The following MAF variants were observed in gnomAD, a reference collection of about 807,000 sequenced individuals.
MAF encodes transcription factor Maf.
In MAF, 10 loss-of-function variants were observed where a neutral mutation model predicts 22.0. The observed-to-expected ratio is 0.45, with a 90% CI of 0.28 to 0.77. MAF has a LOEUF of 0.77. MAF is among the 30% of genes least tolerant of loss of function. MAF has a pLI of 0.12. For missense variants in MAF, 544 were observed against 548.4 expected (o/e 0.99, Z 0.08); for synonymous variants, 337 against 255.8 (o/e 1.32, Z -3.03).
chr16:79,421,841 A>T, the MAF span, among the ~76,000 whole-genome samples: 3 of 152,034 alleles, frequency 2.0e-5, no homozygotes, highest in South Asian at 4.2e-4. Flanking sequence ...TCAGTGGCAC[A>T]ATCTCAGCTC....
At chr16:79,309,462 G>T in the MAF span, among the ~76,000 whole-genome samples, 2,344 of 152,234 alleles carry the variant, frequency 0.015, 28 homozygotes, top group Non-Finnish European at 0.024. Flanking sequence ...GAGAACTTAC[G>T]TTTTCATATT....
chr16:79,549,751 A>G, the MAF span, among the ~76,000 whole-genome samples: 1 of 152,170 alleles, frequency 6.6e-6, no homozygotes, highest in East Asian at 1.9e-4. Flanking sequence ...TCCTCCTCCT[A>G]GCAGTCCTGA....
the MAF span, among the ~76,000 whole-genome samples, chr16:79,263,804 T>C: frequency 6.6e-6 from 1 of 152,174 alleles, no homozygotes; most frequent in Non-Finnish European, 1.5e-5. Context: ...CACCATGTAC[T>C]TTCCAAGAGT....
chr16:79,457,039 C>T, the MAF span, among the ~76,000 whole-genome samples: 2 of 151,970 alleles, frequency 1.3e-5, no homozygotes, highest in Non-Finnish European at 2.9e-5. Context: ...TGTAGGGACT[C>T]ATTGAAGATT....
Position 79,594,465 on chromosome 16 carries a change from T to G in MAF, c.1207A>C (p.Lys403Gln). 2 of 1,557,780 alleles carry G rather than the reference T, an allele frequency of 1.3e-6. No individual in the cohort carries two copies. The highest frequency in any genetic ancestry group is 1.7e-6 in the Non-Finnish European group (2 of 1,149,124). Residue 403 changes from lysine (K) to glutamine (Q), a missense_variant, in exon 2 of 2, where the codon AAA becomes CAA. Physicochemically the swap from Lys to Gln is moderately conservative, Grantham distance 53 (BLOSUM62 1). This residue lies in a region of MAF where 129 missense variants were observed against 113.6 expected (regional missense o/e 1.14). Transcript: ENST00000326043. ...QHRVLTSVFTK is the reference protein window; with the variant it reads ...QHRVLTSVFTQ ...GTACAGCTCTCACACAAATTTCATT[T>G]TGTGAACACACTGGTAAGTACACGA...
chr16:79,372,710 T>G, the MAF span, among the ~76,000 whole-genome samples: 2 of 152,170 alleles, frequency 1.3e-5, no homozygotes, highest in African/African-American at 4.8e-5. Context: ...TCAGGAGCTG[T>G]GATTCACTCT....
At chr16:79,473,748 T>C in the MAF span, among the ~76,000 whole-genome samples, 1 of 152,148 alleles carries the variant, frequency 6.6e-6, no homozygotes, top group Non-Finnish European at 1.5e-5. Flanking sequence ...CTTAACCGTA[T>C]CGCAAGCTCT....
the MAF span, among the ~76,000 whole-genome samples, chr16:79,437,414 G>T: frequency 6.6e-6 from 1 of 152,160 alleles, no homozygotes; most frequent in Non-Finnish European, 1.5e-5. Flanking sequence ...GATTGTACAG[G>T]TGTGGGACAC....
At chr16:79,491,210 G>A in the MAF span, among the ~76,000 whole-genome samples, 3 of 152,166 alleles carry the variant, frequency 2.0e-5, no homozygotes, top group South Asian at 2.1e-4. Context: ...AAACAGCAGT[G>A]AGGACCAGAC....
At chr16:79,325,558 G>GACACACACACAGATGCCCACAC in the MAF span, among the ~76,000 whole-genome samples, 6 of 149,974 alleles carry the variant, frequency 4.0e-5, no homozygotes, top group East Asian at 1.2e-3. Flanking sequence ...AAGGCACACA[G>GACACACACACAGATGCCCACAC]ACACACACAC....
At chr16:79,247,081 C>T in the MAF span, among the ~76,000 whole-genome samples, 1 of 152,108 alleles carries the variant, frequency 6.6e-6, no homozygotes, top group African/African-American at 2.4e-5. Context: ...GGGCAAGTGC[C>T]GGGCAAGGGC....
the MAF span, among the ~76,000 whole-genome samples, chr16:79,539,602 T>C: frequency 6.6e-6 from 1 of 152,198 alleles, no homozygotes; most frequent in Non-Finnish European, 1.5e-5. Flanking sequence ...TAATCAGAGA[T>C]TCAGACTAAG....
chr16:79,528,072 G>C, the MAF span, among the ~76,000 whole-genome samples: 1 of 152,200 alleles, frequency 6.6e-6, no homozygotes, highest in Non-Finnish European at 1.5e-5. Flanking sequence ...AACCTGGGAG[G>C]TGGAGGTTGC....
the MAF span, among the ~76,000 whole-genome samples, chr16:79,228,037 A>G: frequency 6.6e-6 from 1 of 152,050 alleles, no homozygotes; most frequent in Non-Finnish European, 1.5e-5. Context: ...CCAAGTAGCT[A>G]GGACTATAGG....
the MAF span, among the ~76,000 whole-genome samples, chr16:79,418,950 G>A: frequency 9.9e-5 from 15 of 152,256 alleles, no homozygotes; most frequent in Non-Finnish European, 1.6e-4. Flanking sequence ...GGTACCAGCA[G>A]CAACAATTTA....
At chr16:79,583,564 A>T (rs1409896472), downstream of MAF, among the ~76,000 whole-genome samples, 1 of 152,196 alleles carries the variant, frequency 6.6e-6, no homozygotes, top group African/African-American at 2.4e-5. Flanking sequence ...GGAATATCTG[A>T]AAGGGGCAGA....
chr16:79,221,193 T>C, the MAF span, among the ~76,000 whole-genome samples: 4 of 152,342 alleles, frequency 2.6e-5, no homozygotes, highest in African/African-American at 4.8e-5. Flanking sequence ...AGCTTGCCCT[T>C]AAACTTGGTT....
chr16:79,580,542 G>C, the MAF span, among the ~76,000 whole-genome samples: 3 of 152,338 alleles, frequency 2.0e-5, no homozygotes, highest in African/African-American at 4.8e-5. Context: ...TCGGGGGAAA[G>C]AATGGGATGC....
At chr16:79,457,122 T>A in the MAF span, among the ~76,000 whole-genome samples, 1 of 152,266 alleles carries the variant, frequency 6.6e-6, no homozygotes, top group Non-Finnish European at 1.5e-5. Flanking sequence ...GTCTTCCTCA[T>A]TGGGATAAGG....
Sources: gnomAD v4.1 joint callset for allele counts (sites outside exome capture counted in the v4.1 genomes callset) on GRCh38, gnomAD v4.1.1 for gene constraint, gnomAD v4.1.1 regional missense constraint, MANE v1.5 for transcripts, NCBI Gene and HGNC (gene_info 2026-07-23, HGNC 2026-07-21) for gene names.